The following DGKB variants were observed in gnomAD, a reference collection of about 807,000 sequenced individuals.
The protein encoded by DGKB is diacylglycerol kinase beta.
DGKB carries 67 observed loss-of-function variants against 114.3 expected under a neutral mutation model. The ratio of observed to expected loss-of-function variants is 0.59; its 90% confidence interval spans 0.48 to 0.72. The LOEUF (loss-of-function observed/expected upper bound fraction) is 0.72, where lower values mean the gene tolerates loss of function less well. Among genes scored for constraint, DGKB ranks in the 30% least tolerant of loss-of-function variants. The pLI is 0.00. For missense variants in DGKB, 907 were observed against 975.2 expected, an observed-to-expected ratio of 0.93 and a Z score of 0.93; for synonymous variants, 398 against 323.1, an observed-to-expected ratio of 1.23 and a Z score of -2.49.
chr7:14,403,112 G>C (rs2128729506), intron 21 of DGKB, among the ~76,000 whole-genome samples: 1 of 151,380 alleles, frequency 6.6e-6, no homozygotes, highest in South Asian at 2.1e-4. Flanking sequence ...ACATTCTATT[G>C]GTTCTGCTTC....
At chr7:14,648,157 C>A (rs1365878980) in intron 13 of DGKB, among the ~76,000 whole-genome samples, 3 of 152,218 alleles carry the variant, frequency 2.0e-5, no homozygotes, top group Non-Finnish European at 2.9e-5. Context: ...CTCAAGGAGG[C>A]CTGCCTGCCT....
chr7:14,864,368 G>A (rs1851419941), intron 1 of DGKB, among the ~76,000 whole-genome samples: 1 of 152,054 alleles, frequency 6.6e-6, no homozygotes, highest in Non-Finnish European at 1.5e-5. Flanking sequence ...TAACTTAGTG[G>A]ATCATATGAG....
chr7:14,598,831 T>G (rs1803038042), intron 17 of DGKB, among the ~76,000 whole-genome samples: 1 of 152,172 alleles, frequency 6.6e-6, no homozygotes, highest in Non-Finnish European at 1.5e-5. Context: ...TCATGCTCTT[T>G]TTCTCACATA....
rs533420398 is a variant in DGKB at position 14,577,294 on chromosome 7, C to A, written c.1610-2922G>T. ...TAGAAATTTTTGCAAATGAAAATCA[C>A]ATAAAGAAATGCAACAACAAATCTG... On this transcript the variant is annotated intron_variant, in intron 19 of 25. Transcript: ENST00000402815. Among the ~76,000 whole-genome samples the A allele has an allele frequency of 1.7e-4, 26 of 152,202 alleles. No homozygotes were observed. The South Asian group carries it at 5.4e-3, about 32-fold the overall frequency.
chr7:14,672,045 G>A (rs1024853882), intron 13 of DGKB, among the ~76,000 whole-genome samples: 1 of 151,702 alleles, frequency 6.6e-6, no homozygotes, highest in African/African-American at 2.4e-5. Context: ...TAATAATTTT[G>A]TGAAATAAAG....
At chr7:14,967,477 C>T (rs1048774691) in intron 1 of DGKB, among the ~76,000 whole-genome samples, 20 of 151,710 alleles carry the variant, frequency 1.3e-4, no homozygotes, top group African/African-American at 4.6e-4. Flanking sequence ...TGCACCACCA[C>T]GCCTGACTAA....
chr7:14,178,232 TA>T (rs907568747), intron 23 of DGKB, 81 bp from the exon 24 acceptor site: 414 of 1,418,178 alleles, frequency 2.9e-4, no homozygotes, highest in South Asian at 4.3e-4. Context: ...TTATGGAGAT[TA>T]AAAAAAATAA....
chr7:14,267,816 G>A (rs534786250), intron 23 of DGKB, among the ~76,000 whole-genome samples: 2 of 152,116 alleles, frequency 1.3e-5, no homozygotes, highest in African/African-American at 4.8e-5. Flanking sequence ...AAATTTCAAG[G>A]GATTTGTTAT....
chr7:14,325,123 G>T (rs1014600386), intron 23 of DGKB, among the ~76,000 whole-genome samples: 1 of 152,126 alleles, frequency 6.6e-6, no homozygotes, highest in Non-Finnish European at 1.5e-5. Context: ...TAGTCAGCCT[G>T]TACTTTCCCT....
chr7:14,945,525 A>G (rs1785824426), intron 1 of DGKB, among the ~76,000 whole-genome samples: 1 of 151,844 alleles, frequency 6.6e-6, no homozygotes, highest in Admixed American at 6.6e-5. Flanking sequence ...AAACATACAC[A>G]ATCAGATCTT....
intron 23 of DGKB, among the ~76,000 whole-genome samples, chr7:14,241,431 T>A (rs574645519): frequency 3.3e-5 from 5 of 150,982 alleles, no homozygotes; most frequent in African/African-American, 1.2e-4. Flanking sequence ...ATAAATGTTA[T>A]GTTCCTAAAC....
chr7:14,931,677 C>A (rs1209417094), intron 1 of DGKB, among the ~76,000 whole-genome samples: 1 of 152,110 alleles, frequency 6.6e-6, no homozygotes, highest in Non-Finnish European at 1.5e-5. Flanking sequence ...CTAGTCCCAA[C>A]ATGGATTCCT....
chr7:14,495,154 C>T (rs1256673379), intron 20 of DGKB, among the ~76,000 whole-genome samples: 1 of 151,784 alleles, frequency 6.6e-6, no homozygotes, highest in Non-Finnish European at 1.5e-5. Flanking sequence ...AATTCAGAGA[C>T]AAATCCTTCC....
chr7:14,643,082 G>A (rs550628414), intron 13 of DGKB, among the ~76,000 whole-genome samples: 79 of 152,218 alleles, frequency 5.2e-4, no homozygotes, highest in African/African-American at 1.8e-3. Flanking sequence ...AGCATCTAAG[G>A]GAGAACACAA....
At chr7:14,480,527 A>T (rs558718449) in intron 20 of DGKB, among the ~76,000 whole-genome samples, 1 of 152,252 alleles carries the variant, frequency 6.6e-6, no homozygotes, top group South Asian at 2.1e-4. Flanking sequence ...AACACTATCC[A>T]GCAGCCATTT....
intron 17 of DGKB, among the ~76,000 whole-genome samples, chr7:14,594,880 T>C (rs1318300497): frequency 2.0e-5 from 3 of 152,122 alleles, no homozygotes; most frequent in African/African-American, 4.8e-5. Flanking sequence ...GGCACCTGTA[T>C]CTATCCACTT....
chr7:14,965,239 A>G (rs1787083888), intron 1 of DGKB, among the ~76,000 whole-genome samples: 1 of 152,166 alleles, frequency 6.6e-6, no homozygotes, highest in South Asian at 2.1e-4. Flanking sequence ...TTTTAAAGAC[A>G]TAGATTTGGG....
intron 13 of DGKB, among the ~76,000 whole-genome samples, chr7:14,661,324 C>G (rs1341051323): frequency 6.8e-6 from 1 of 146,690 alleles, no homozygotes; most frequent in Non-Finnish European, 1.5e-5. Context: ...GGGCTAATAT[C>G]CAGAATCTAC....
rs1831689911 is a variant in DGKB, at chr7:14,736,191, T to C, written c.172A>G (p.Ile58Val). The C allele has an allele frequency of 3.3e-6, 5 of 1,494,950 alleles. No homozygotes were observed. The highest frequency in any genetic ancestry group is 4.5e-6 in the Non-Finnish European group (5 of 1,106,166). The allele number at this position is 1,494,950 out of a possible 1,614,324, so 92.6% of individuals were successfully genotyped here. ...AATAGTTTGAAACCTTCAAAATCTA[T>C]TGTCTGGAAAAAAAAAATGTAAACA... ...EGKQDILNQT[I>V]DFEGFKLFMK... is the part of the protein sequence containing the mutation. The change falls in exon 5 of 26, where the codon ATA becomes GTA. Residue 58 changes from isoleucine to valine, a missense_variant. Ile to Val is a conservative substitution (Grantham distance 29, BLOSUM62 3). Transcript: ENST00000402815.
Sources: gnomAD v4.1 joint callset for allele counts (sites outside exome capture counted in the v4.1 genomes callset) on GRCh38, gnomAD v4.1.1 for gene constraint, MANE v1.5 for transcripts, NCBI Gene and HGNC (gene_info 2026-07-23, HGNC 2026-07-21) for gene names.